The following TNRC6B variants were observed in gnomAD, a reference collection of about 807,000 sequenced individuals.
TNRC6B encodes trinucleotide repeat containing adaptor 6B.
In TNRC6B, 52 loss-of-function variants were observed where a neutral mutation model predicts 203.6. The observed-to-expected ratio is 0.26, with a 90% CI of 0.20 to 0.32. The LOEUF (loss-of-function observed/expected upper bound fraction) is 0.32, where lower values mean the gene tolerates loss of function less well. Ranked by LOEUF, TNRC6B falls within the 10% of genes least tolerant of loss-of-function variation. TNRC6B has a pLI of 1.00. For synonymous variants in TNRC6B, 838 were observed against 845.7 expected (o/e 0.99, Z 0.16); for missense variants, 1,923 against 2,286.2 (o/e 0.84, Z 3.24).
intron 1 of TNRC6B, among the ~76,000 whole-genome samples, chr22:40,093,014 A>G (rs1021699858): frequency 1.4e-4 from 22 of 152,372 alleles, no homozygotes; most frequent in Admixed American, 2.0e-4. Flanking sequence ...AGCTAAAATA[A>G]TAATAATCAG....
At chr22:40,255,890 T>C (rs2070269846) in intron 3 of TNRC6B, among the ~76,000 whole-genome samples, 1 of 152,182 alleles carries the variant, frequency 6.6e-6, no homozygotes, top group African/African-American at 2.4e-5. Context: ...TCTTGCTCTG[T>C]TGCCCCAGCT....
chr22:40,119,487 G>A (rs896904440), intron 2 of TNRC6B, among the ~76,000 whole-genome samples: 7 of 152,226 alleles, frequency 4.6e-5, no homozygotes, highest in Non-Finnish European at 8.8e-5. Flanking sequence ...GGGAGGCTGA[G>A]GCAGGAGAAT....
chr22:40,158,429 AT>A (rs2068838522), intron 4 of TNRC6B, among the ~76,000 whole-genome samples: 1 of 152,158 alleles, frequency 6.6e-6, no homozygotes, highest in African/African-American at 2.4e-5. Context: ...GCATAAGCCT[AT>A]TTTTAAAAAA....
intron 2 of TNRC6B, chr22:40,246,438 T>G: frequency 5.8e-6 from 1 of 170,984 alleles, no homozygotes; most frequent in East Asian, 1.7e-4. Flanking sequence ...TCCCCCACCT[T>G]GGCCCCCCAG....
chr22:40,188,891 C>G (rs896453830), intron 1 of TNRC6B, among the ~76,000 whole-genome samples: 2 of 152,114 alleles, frequency 1.3e-5, no homozygotes, highest in African/African-American at 2.4e-5. Context: ...TGGTACAGAA[C>G]AAATCCCTAA....
Position 40,266,415 on chromosome 22 carries a change from G to C in TNRC6B, c.2185G>C (p.Asp729His). ...PSSWNENPSK[D>H]QGWGGGRQPN... Reference sequence around the variant, plus strand: ...CTCTTGGAATGAGAATCCCAGCAAGGATCAGGGGTGGGGAGGTGGACGCCA... The same window carrying C: ...CTCTTGGAATGAGAATCCCAGCAAGCATCAGGGGTGGGGAGGTGGACGCCA... The change falls in exon 5 of 23, where the codon GAT becomes CAT. Residue 729 changes from aspartate (D) to histidine (H), a missense_variant. Transcript: ENST00000454349. 2 of 1,613,906 alleles carry C rather than the reference G, an allele frequency of 1.2e-6. No homozygotes were observed. The highest frequency in any genetic ancestry group is 1.7e-6 in the Non-Finnish European group (2 of 1,179,856).
intron 2 of TNRC6B, among the ~76,000 whole-genome samples, chr22:40,125,120 T>C (rs1365281985): frequency 6.6e-6 from 1 of 152,258 alleles, no homozygotes; most frequent in Non-Finnish European, 1.5e-5. Flanking sequence ...CATAAAATTT[T>C]AACAAACTTT....
Position 40,181,948 on chromosome 22 carries a change from GA to G in TNRC6B, c.5+3820del, listed in dbSNP as rs397809536. The stretch of plus-strand genomic sequence containing the variant: ...GAAACAGCTAGACCCTGTCTCGAGA[GA>G]AAAAAAAAAAAGCCAGCCGGGCGTG... On this transcript the variant is annotated intron_variant, in intron 1 of 22. Transcript: ENST00000454349. 2.9e-3 allele frequency among the ~76,000 whole-genome samples: 412 copies of G among 141,960 alleles called. 1 individual carries two copies. Among genetic ancestry groups the G allele is most frequent in the African/African-American group, 8.5e-3 (330 of 38,754 alleles). 93.1% of individuals were successfully genotyped at this position (141,960 alleles called of 152,430 possible). A position where few individuals can be genotyped will look rare whatever the true frequency, so the allele number is the denominator to read the frequency against.
chr22:40,113,878 T>C (rs1323901280), intron 1 of TNRC6B, among the ~76,000 whole-genome samples: 1 of 152,118 alleles, frequency 6.6e-6, no homozygotes, highest in African/African-American at 2.4e-5. Flanking sequence ...AGACATCTCT[T>C]CTGGACATCT....
intron 12 of TNRC6B, among the ~76,000 whole-genome samples, chr22:40,297,323 T>A (rs2070957978): frequency 6.6e-6 from 1 of 152,176 alleles, no homozygotes; most frequent in Non-Finnish European, 1.5e-5. Flanking sequence ...CTCAGCTCTA[T>A]CAAGTTCAGC....
intron 1 of TNRC6B, among the ~76,000 whole-genome samples, chr22:40,194,548 C>T (rs1054934232): frequency 3.3e-5 from 5 of 152,186 alleles, no homozygotes; most frequent in Admixed American, 2.6e-4. Flanking sequence ...TGTGAACTGT[C>T]TCCTCCCTTT....
intron 1 of TNRC6B, among the ~76,000 whole-genome samples, chr22:40,063,538 A>G (rs746370850): frequency 1.3e-5 from 2 of 152,206 alleles, no homozygotes; most frequent in African/African-American, 2.4e-5. Context: ...ATGTTGCTCT[A>G]TGAACATTTG....
At chr22:40,125,888 T>C (rs1276234196) in intron 3 of TNRC6B, 1 of 1,606,136 alleles carries the variant, frequency 6.2e-7, no homozygotes, top group East Asian at 2.2e-5. Flanking sequence ...AAAGGTACAG[T>C]TTGGGTAGAA....
In TNRC6B at chr22:40,301,178, AG is replaced by A; in HGVS notation, c.3966del (p.Gln1322HisfsTer12). 3 of 1,234,300 alleles carry A rather than the reference AG, an allele frequency of 2.4e-6. No individual in the cohort carries two copies. The highest frequency in any genetic ancestry group is 3.4e-6 in the Non-Finnish European group (3 of 891,822). The allele number at this position is 1,234,300 out of a possible 1,614,324, so 76.5% of individuals were successfully genotyped here. A position where few individuals can be genotyped will look rare whatever the true frequency, so the allele number is the denominator to read the frequency against. ...QLARMVSALQQQQQQQQRQPG... is the reference protein window; with the variant it reads ...QLARMVSALQXQQQQQQRQPG... ...GCTCGAATGGTGAGTGCACTGCAGC[AG>A]CAGCAGCAGCAGCAGCAGAGGCAGC... On this transcript the variant is annotated frameshift_variant, in exon 15 of 23. Coordinates refer to ENST00000454349, the MANE Select transcript of TNRC6B (RefSeq NM_001162501.2). LOFTEE classifies it high-confidence loss of function.
intron 1 of TNRC6B, chr22:40,106,237 C>CTTTTTTTTT (rs201593383): frequency 1.9e-5 from 3 of 156,152 alleles, no homozygotes; most frequent in Non-Finnish European, 3.6e-5. Flanking sequence ...TCGAGGTTGT[C>CTTTTTTTTT]TTTTTTTTTT....
intron 21 of TNRC6B, among the ~76,000 whole-genome samples, chr22:40,318,274 A>G (rs1050362722): frequency 6.6e-5 from 10 of 152,288 alleles, no homozygotes; most frequent in South Asian, 6.2e-4. Flanking sequence ...ACGGCCGGGC[A>G]CGGTGGCTCA....
intron 1 of TNRC6B, among the ~76,000 whole-genome samples, chr22:40,199,236 A>T (rs1412242272): frequency 6.6e-6 from 1 of 152,178 alleles, no homozygotes; most frequent in Non-Finnish European, 1.5e-5. Context: ...GTACGGACTT[A>T]TCAGTAAATT....
chr22:40,169,115 A>T (rs1404602973), intron 4 of TNRC6B, among the ~76,000 whole-genome samples: 1 of 148,682 alleles, frequency 6.7e-6, no homozygotes, highest in African/African-American at 2.5e-5. Flanking sequence ...TGGTGAGTCC[A>T]GAGTTTGGAA....
intron 19 of TNRC6B, among the ~76,000 whole-genome samples, chr22:40,314,327 C>G (rs1266131747): frequency 2.0e-5 from 3 of 152,182 alleles, no homozygotes; most frequent in Non-Finnish European, 2.9e-5. Context: ...TATGATTTCT[C>G]TTTAGTGATT....
Sources: gnomAD v4.1 joint callset for allele counts (sites outside exome capture counted in the v4.1 genomes callset) on GRCh38, gnomAD v4.1.1 for gene constraint, MANE v1.5 for transcripts, NCBI Gene and HGNC (gene_info 2026-07-23, HGNC 2026-07-21) for gene names.